Variants in TOR4A observed in about 807,000 individuals in gnomAD.
TOR4A encodes the protein torsin family 4 member A, also known as torsin-4A.
Under a neutral mutation model 11.5 loss-of-function variants are expected in TOR4A, and 12 were observed. That is an observed-to-expected ratio of 1.04 (90% confidence interval 0.67 to 1.69). TOR4A has a LOEUF of 1.69. TOR4A is among the 40% of genes most tolerant of loss of function. The probability of loss-of-function intolerance (pLI) is 0.00; values close to 1 mark genes in which losing one functional copy is unlikely to be tolerated. For missense variants in TOR4A, 640 were observed against 643.2 expected (o/e 0.99, Z 0.05); for synonymous variants, 362 against 307.4 (o/e 1.18, Z -1.86).
rs1408075830 is a variant in TOR4A at position 137,280,359 on chromosome 9, G to T, written c.*398G>T. The T allele has an allele frequency of 4.5e-6, 1 of 220,214 alleles. No homozygotes were observed. The highest frequency in any genetic ancestry group is 2.3e-5 in the African/African-American group (1 of 43,468). The allele number at this position is 220,214 out of a possible 1,614,324, so 13.6% of individuals were successfully genotyped here. A position where few individuals can be genotyped will look rare whatever the true frequency, so the allele number is the denominator to read the frequency against. ...GCGTGTTGCTCAGTGCTGAAGTGGGGTTCTCATTCCGGCCCCCCTGGAGAT... is the reference window on the plus strand; with the variant it reads ...GCGTGTTGCTCAGTGCTGAAGTGGGTTTCTCATTCCGGCCCCCCTGGAGAT... On this transcript the variant is annotated 3_prime_UTR_variant, in exon 2 of 2. Coordinates refer to ENST00000357503, the MANE Select transcript of TOR4A (RefSeq NM_017723.3).
chr9:137,280,074 T>C lies in TOR4A; in HGVS notation c.*113T>C. The C allele has an allele frequency of 8.2e-7, 1 of 1,220,290 alleles. No individual in the cohort carries two copies. Among genetic ancestry groups the C allele is most frequent in the South Asian group, 1.6e-5 (1 of 64,512 alleles). 75.6% of individuals were successfully genotyped at this position (1,220,290 alleles called of 1,614,324 possible). On this transcript the variant is annotated 3_prime_UTR_variant, in exon 2 of 2. Coordinates refer to ENST00000357503, the MANE Select transcript of TOR4A (RefSeq NM_017723.3). Reference sequence around the variant, plus strand: ...TCTAGTGAATTTGTGGCTGCCCGGCTGGTGGGTGCGGATCAGCTTGGAGCT... The same window carrying C: ...TCTAGTGAATTTGTGGCTGCCCGGCCGGTGGGTGCGGATCAGCTTGGAGCT...
In TOR4A at chr9:137,280,308, C is replaced by T. The variant is rs117976085; in HGVS notation, c.*347C>T. The T allele has an allele frequency of 2.8e-3, 968 of 344,364 alleles. 16 individuals carry two copies. The East Asian group carries it at 0.045, about 16-fold the overall frequency. The allele number at this position is 344,364 out of a possible 1,614,324, so 21.3% of individuals were successfully genotyped here. On this transcript the variant is annotated 3_prime_UTR_variant, in exon 2 of 2. Coordinates refer to ENST00000357503, the MANE Select transcript of TOR4A (RefSeq NM_017723.3). ...AATTCCCGGGGTCACACAGCTGGGA[C>T]GTGACCCCGCCTCTTGGGGGTGGTC...
rs563585997 is a variant in TOR4A at position 137,282,498 on chromosome 9, G to T, written c.*2537G>T. 6.0e-6 allele frequency: 1 copy of T among 166,992 alleles called. No individual in the cohort carries two copies. Among genetic ancestry groups the T allele is most frequent in the African/African-American group, 2.4e-5 (1 of 41,528 alleles). 10.3% of individuals were successfully genotyped at this position (166,992 alleles called of 1,614,324 possible). On this transcript the variant is annotated 3_prime_UTR_variant, in exon 2 of 2. Transcript: ENST00000357503. ...TTACAGGTGTGAGCCACCGTGCCCGGCCTCTTTTTATTTATTCCTAAAATA... is the reference window on the plus strand; with the variant it reads ...TTACAGGTGTGAGCCACCGTGCCCGTCCTCTTTTTATTTATTCCTAAAATA...
rs1414275718 is a variant in TOR4A at position 137,278,780 on chromosome 9, C to T, written c.91C>T (p.Arg31Cys). ...CVIAPVRAVL[R>C]LRRRVCVLRK... ...GATCGCGCCCGTGCGCGCTGTGCTC[C>T]GCCTGCGCCGCCGGGTGTGTGTCCT... is the stretch of plus-strand genomic sequence containing the variant. Residue 31 changes from arginine (R) to cysteine (C), a missense_variant, in exon 2 of 2, where the codon CGC (arginine) becomes TGC (cysteine). By Grantham distance (180) the Arg-to-Cys change is radical. Coordinates refer to ENST00000357503, the MANE Select transcript of TOR4A (RefSeq NM_017723.3). 3 of 1,444,250 alleles carry T rather than the reference C, an allele frequency of 2.1e-6. No individual in the cohort carries two copies. Among genetic ancestry groups the T allele is most frequent in the Non-Finnish European group, 2.7e-6 (3 of 1,110,554 alleles). 89.5% of individuals were successfully genotyped at this position (1,444,250 alleles called of 1,614,324 possible).
chr9:137,278,556 T>C lies in TOR4A; in HGVS notation c.-37-97T>C, dbSNP rs983434853. ...CAGCCCGGGCCGCACCCCACGGGAC[T>C]CCCAGGGGGTAAGATCACTCCGGGG... is the stretch of plus-strand genomic sequence containing the variant. On this transcript the variant is annotated intron_variant, in intron 1 of 1. Transcript: ENST00000357503. 7 of 908,074 alleles carry C rather than the reference T, an allele frequency of 7.7e-6. 1 individual carries two copies. In the African/African-American group the frequency reaches 1.2e-4, roughly 16 times the overall value. 56.3% of individuals were successfully genotyped at this position (908,074 alleles called of 1,614,324 possible). A position where few individuals can be genotyped will look rare whatever the true frequency, so the allele number is the denominator to read the frequency against.
Position 137,281,112 on chromosome 9 carries a change from C to T in TOR4A, c.*1151C>T, listed in dbSNP as rs1432669948. ...CCTGAGTCCCCCAGGCCGCCCCGAT[C>T]CTCTGTCCCCGCCGCCGGCCCCGCT... On this transcript the variant is annotated 3_prime_UTR_variant, in exon 2 of 2. Coordinates refer to ENST00000357503, the MANE Select transcript of TOR4A (RefSeq NM_017723.3). 6.2e-6 allele frequency: 1 copy of T among 161,656 alleles called. No individual in the cohort carries two copies. Among genetic ancestry groups the T allele is most frequent in the East Asian group, 1.9e-4 (1 of 5,188 alleles). The allele number at this position is 161,656 out of a possible 1,614,324, so 10.0% of individuals were successfully genotyped here. A position where few individuals can be genotyped will look rare whatever the true frequency, so the allele number is the denominator to read the frequency against.
Position 137,279,721 on chromosome 9 carries a change from G to A in TOR4A, c.1032G>A (p.Leu344=), listed in dbSNP as rs1444405621. 2 of 1,574,784 alleles carry A rather than the reference G, an allele frequency of 1.3e-6. No individual in the cohort carries two copies. Among genetic ancestry groups the A allele is most frequent in the East Asian group, 4.6e-5 (2 of 43,504 alleles). ...AQAEEDLRAS[L]LAVLSREHPL... ...CGGAAGAAGACCTGCGCGCCAGCCT[G>A]CTGGCTGTGCTGTCCCGGGAGCATC... The change falls in exon 2 of 2, where the codon CTG becomes CTA. Residue 344 remains leucine (L), a synonymous_variant. Transcript: ENST00000357503.
In TOR4A at chr9:137,279,520, C is replaced by G. The variant is rs1253354799; in HGVS notation, c.831C>G (p.Asp277Glu). ...AGCTCATGCCGCGGCCGCTGCTGGA[C>G]GAGCTGCACGGCTTCCTGCAGCCGC... Reference protein sequence around the residue: ...DVELMPRPLLDELHGFLQPQR... With the variant: ...DVELMPRPLLEELHGFLQPQR... Residue 277 changes from aspartate (D) to glutamate (E), a missense_variant, in exon 2 of 2, where the codon GAC becomes GAG. Coordinates refer to ENST00000357503, the MANE Select transcript of TOR4A (RefSeq NM_017723.3). 6.3e-7 allele frequency: 1 copy of G among 1,586,758 alleles called. No homozygotes were observed. The highest frequency in any genetic ancestry group is 8.6e-7 in the Non-Finnish European group (1 of 1,169,412).
At position 137,278,938 on chromosome 9, in the gene TOR4A, G is replaced by T; in HGVS notation, c.249G>T (p.Ala83=). The T allele has an allele frequency of 6.3e-7, 1 of 1,599,116 alleles. No individual in the cohort carries two copies. The stretch of plus-strand genomic sequence containing the variant: ...AGTTCTTCACCTTCGACAGCCCCGC[G>T]GAGCTACCCTCCAGGACGCCACGCA... The part of the protein sequence containing the change: ...QPKFFTFDSP[A]ELPSRTPRKK... Residue 83 remains alanine (A), a synonymous_variant, in exon 2 of 2, where the codon GCG becomes GCT. Coordinates refer to ENST00000357503, the MANE Select transcript of TOR4A (RefSeq NM_017723.3).
chr9:137,279,136 C>T lies in TOR4A; in HGVS notation c.447C>T (p.Asp149=), dbSNP rs759439717. The change falls in exon 2 of 2, where the codon GAC becomes GAT. Residue 149 remains aspartate (D), a synonymous_variant. Coordinates refer to ENST00000357503, the MANE Select transcript of TOR4A (RefSeq NM_017723.3). ...ENLDDNAQRY[D]LDGLEKALQR... ...TGGACGATAACGCGCAGCGCTATGA[C>T]CTCGACGGGCTGGAGAAAGCGCTGC... is the stretch of plus-strand genomic sequence containing the variant. The T allele has an allele frequency of 3.4e-5, 53 of 1,582,078 alleles. No homozygotes were observed. The highest frequency in any genetic ancestry group is 4.6e-5 in the Non-Finnish European group (53 of 1,164,530).
Position 137,279,950 on chromosome 9 carries a change from A to G in TOR4A, c.1261A>G (p.Asn421Asp). The part of the protein sequence containing the change: ...TGCKQVVATV[N>D]LL Reference sequence around the variant, plus strand: ...CTGCAAGCAGGTGGTGGCCACGGTGAACCTCCTGTAGTGGAGGCGCAGGAC... The same window carrying G: ...CTGCAAGCAGGTGGTGGCCACGGTGGACCTCCTGTAGTGGAGGCGCAGGAC... The change falls in exon 2 of 2, where the codon AAC becomes GAC. Residue 421 changes from asparagine to aspartate, a missense_variant. Physicochemically the swap from Asn to Asp is conservative, Grantham distance 23 (BLOSUM62 1). Coordinates refer to ENST00000357503, the MANE Select transcript of TOR4A (RefSeq NM_017723.3). 6.3e-7 allele frequency: 1 copy of G among 1,578,040 alleles called. No homozygotes were observed. The highest frequency in any genetic ancestry group is 8.6e-7 in the Non-Finnish European group (1 of 1,161,882).
rs1478435342 is a variant in TOR4A, at chr9:137,280,942, G to A, written c.*981G>A. 2 of 167,094 alleles carry A rather than the reference G, an allele frequency of 1.2e-5. No homozygotes were observed. Among genetic ancestry groups the A allele is most frequent in the Non-Finnish European group, 1.5e-5 (1 of 68,132 alleles). The allele number at this position is 167,094 out of a possible 1,614,324, so 10.4% of individuals were successfully genotyped here. On this transcript the variant is annotated 3_prime_UTR_variant, in exon 2 of 2. Coordinates refer to ENST00000357503, the MANE Select transcript of TOR4A (RefSeq NM_017723.3). Reference sequence around the variant, plus strand: ...TTTTGCGCCATGTCTCCTCGGGGCCGGCGGTTGCCTCGGGACGGTTCTCGC... The same window carrying A: ...TTTTGCGCCATGTCTCCTCGGGGCCAGCGGTTGCCTCGGGACGGTTCTCGC...
rs1830694635 is a variant in TOR4A at position 137,279,852 on chromosome 9, A to G, written c.1163A>G (p.Gln388Arg). The G allele has an allele frequency of 1.9e-6, 3 of 1,591,294 alleles. No homozygotes were observed. Among genetic ancestry groups the G allele is most frequent in the East Asian group, 2.3e-5 (1 of 44,062 alleles). ...GCGGGTGAGGGCTTCTTTCCTGACCAGGCCCGCGCGGAGAACCTGGCCGCG... is the reference window on the plus strand; with the variant it reads ...GCGGGTGAGGGCTTCTTTCCTGACCGGGCCCGCGCGGAGAACCTGGCCGCG... Reference protein sequence around the residue: ...EMAGEGFFPDQARAENLAAQL... With the variant: ...EMAGEGFFPDRARAENLAAQL... Residue 388 changes from glutamine to arginine, a missense_variant, in exon 2 of 2, where the codon CAG (glutamine) becomes CGG (arginine). Physicochemically the swap from Gln to Arg is conservative, Grantham distance 43 (BLOSUM62 1). Transcript: ENST00000357503.
intron 1 of TOR4A, among the ~76,000 whole-genome samples, 168 bp from the exon 2 acceptor site, chr9:137,278,485 T>C (rs1300888664): frequency 6.8e-6 from 1 of 147,972 alleles, no homozygotes; most frequent in Non-Finnish European, 1.5e-5. Flanking sequence ...AGGGGTCGCT[T>C]GCCGGTCTGA....
intron 1 of TOR4A, among the ~76,000 whole-genome samples, chr9:137,278,229 G>A (rs1230996340): frequency 6.6e-6 from 1 of 152,196 alleles, no homozygotes; most frequent in East Asian, 1.9e-4. Flanking sequence ...TGCTTCCCGC[G>A]GCCCCTCCTT....
chr9:137,279,088 A>G lies in TOR4A; in HGVS notation c.399A>G (p.Gln133=), dbSNP rs145168574. ...LLLLVAIVGF[Q]VLNAIENLDD... is the part of the protein sequence containing the mutation. ...TGCTAGTCGCCATCGTGGGCTTCCA[A>G]GTTCTCAACGCTATCGAGAACCTGG... The change falls in exon 2 of 2, where the codon CAA becomes CAG. Residue 133 remains glutamine, a synonymous_variant. Coordinates refer to ENST00000357503, the MANE Select transcript of TOR4A (RefSeq NM_017723.3). 2.1e-5 allele frequency: 33 copies of G among 1,602,682 alleles called. No individual in the cohort carries two copies. In the African/African-American group the frequency reaches 4.3e-4, roughly 21 times the overall value.
rs28516757 is a variant in TOR4A at position 137,279,666 on chromosome 9, T to G, written c.977T>G (p.Phe326Cys). The G allele has an allele frequency of 3.0e-3, 4,769 of 1,566,218 alleles. 74 individuals are homozygous for G. In the East Asian group the frequency reaches 0.035, roughly 11 times the overall value. ...SRALPLRPDG[F>C]RSAEAAAAQA... Reference sequence around the variant, plus strand: ...GCGCTGCCCCTGCGCCCCGACGGCTTCCGCAGTGCCGAGGCCGCAGCGGCG... The same window carrying G: ...GCGCTGCCCCTGCGCCCCGACGGCTGCCGCAGTGCCGAGGCCGCAGCGGCG... The change falls in exon 2 of 2, where the codon TTC (phenylalanine) becomes TGC (cysteine). Residue 326 changes from phenylalanine (F) to cysteine (C), a missense_variant. Coordinates refer to ENST00000357503, the MANE Select transcript of TOR4A (RefSeq NM_017723.3).
At position 137,279,670 on chromosome 9, in the gene TOR4A, C is replaced by T; in HGVS notation, c.981C>T (p.Arg327=). Residue 327 remains arginine, a synonymous_variant, in exon 2 of 2, where the codon CGC becomes CGT. Transcript: ENST00000357503. ...TGCCCCTGCGCCCCGACGGCTTCCG[C>T]AGTGCCGAGGCCGCAGCGGCGCAGG... is the stretch of plus-strand genomic sequence containing the variant. ...RALPLRPDGF[R]SAEAAAAQAE... is the part of the protein sequence containing the mutation. 1 of 1,567,118 alleles carries T rather than the reference C, an allele frequency of 6.4e-7. No homozygotes were observed. The highest frequency in any genetic ancestry group is 8.6e-7 in the Non-Finnish European group (1 of 1,161,904).
In TOR4A at chr9:137,279,969, G is replaced by A. The variant is rs1830696235; in HGVS notation, c.*8G>A. The A allele has an allele frequency of 4.5e-6, 7 of 1,564,068 alleles. No homozygotes were observed. Among genetic ancestry groups the A allele is most frequent in the Non-Finnish European group, 6.1e-6 (7 of 1,152,548 alleles). On this transcript the variant is annotated 3_prime_UTR_variant, in exon 2 of 2. Coordinates refer to ENST00000357503, the MANE Select transcript of TOR4A (RefSeq NM_017723.3). ...ACGGTGAACCTCCTGTAGTGGAGGC[G>A]CAGGACGGGACGTTTGGGTTGATGG...
Sources: allele counts gnomAD v4.1 joint callset (sites outside exome capture counted in the v4.1 genomes callset), GRCh38; gene constraint gnomAD v4.1.1; transcripts MANE v1.5; gene names NCBI Gene and HGNC (gene_info 2026-07-23, HGNC 2026-07-21).